The following DPP10 variants were observed in gnomAD, a reference collection of about 807,000 sequenced individuals.
The protein encoded by DPP10 is inactive dipeptidyl peptidase 10.
A neutral mutation model predicts 120.9 loss-of-function variants in DPP10; 33 were observed. The ratio of observed to expected loss-of-function variants is 0.27; its 90% CI spans 0.21 to 0.37. The LOEUF is 0.37. Ranked by LOEUF, DPP10 falls within the 10% of genes least tolerant of loss-of-function variation. DPP10 has a pLI of 1.00. For missense variants in DPP10, 816 were observed against 942.8 expected (o/e 0.87, Z 1.76); for synonymous variants, 337 against 326.1 (o/e 1.03, Z -0.36).
intron 8 of DPP10, among the ~76,000 whole-genome samples, chr2:115,734,208 C>G (rs2092977137): frequency 6.6e-6 from 1 of 152,154 alleles, no homozygotes; most frequent in South Asian, 2.1e-4. Context: ...CCTCATTTCT[C>G]TTGAAAAGCG....
At chr2:114,784,450 A>G (rs903705005) in intron 1 of DPP10, among the ~76,000 whole-genome samples, 8 of 152,146 alleles carry the variant, frequency 5.3e-5, no homozygotes, top group Admixed American at 5.2e-4. Context: ...ACTTCAAGGT[A>G]TGCATGCCCC....
Position 115,359,090 on chromosome 2 carries a change from G to A in DPP10, c.271+15178G>A, listed in dbSNP as rs184451098. On this transcript the variant is annotated intron_variant, in intron 3 of 25. Transcript: ENST00000410059. ...TTGGGTCTAGCATTTCATCCAACTT[G>A]CCACACTGTAGCTTTCAAGTAGGGT... 2.0e-3 allele frequency among the ~76,000 whole-genome samples: 311 copies of A among 152,252 alleles called. 1 individual carries two copies. The highest frequency in any genetic ancestry group is 4.0e-3 in the Non-Finnish European group (273 of 68,018).
chr2:114,878,957 A>C (rs1262627835), intron 1 of DPP10, among the ~76,000 whole-genome samples: 4 of 152,106 alleles, frequency 2.6e-5, no homozygotes, highest in Non-Finnish European at 5.9e-5. Flanking sequence ...TATTTGTAAC[A>C]TATATACCTG....
intron 1 of DPP10, among the ~76,000 whole-genome samples, chr2:115,277,389 C>G (rs2059962309): frequency 7.3e-6 from 1 of 136,556 alleles, no homozygotes; most frequent in Non-Finnish European, 1.5e-5. Flanking sequence ...GCACAAGGTA[C>G]TTTTGGAGAT....
intron 1 of DPP10, among the ~76,000 whole-genome samples, chr2:115,005,273 C>A (rs183211323): frequency 0.013 from 1,920 of 152,036 alleles, 46 homozygotes; most frequent in African/African-American, 0.044. Flanking sequence ...GGGAAAAAAC[C>A]GAACAGAAAA....
At chr2:114,490,445 GGAA>G (rs1290349377) in intron 1 of DPP10, among the ~76,000 whole-genome samples, 1 of 152,142 alleles carries the variant, frequency 6.6e-6, no homozygotes, top group African/African-American at 2.4e-5. Context: ...TTTCCTTGAG[GGAA>G]GAAGGAGAGA....
intron 1 of DPP10, among the ~76,000 whole-genome samples, chr2:114,562,703 T>C (rs1301124327): frequency 1.3e-5 from 2 of 152,182 alleles, no homozygotes; most frequent in Admixed American, 6.5e-5. Context: ...TGAAACTCTC[T>C]GTCAAAAAAG....
intron 1 of DPP10, among the ~76,000 whole-genome samples, chr2:115,045,982 T>C (rs1265905823): frequency 6.9e-6 from 1 of 145,838 alleles, no homozygotes; most frequent in African/African-American, 2.6e-5. Flanking sequence ...AGCCATTTTG[T>C]GTGTGCTGAA....
At chr2:115,551,214 A>G (rs1022532350) in intron 5 of DPP10, among the ~76,000 whole-genome samples, 7 of 152,188 alleles carry the variant, frequency 4.6e-5, no homozygotes, top group Non-Finnish European at 8.8e-5. Context: ...TTCAGATTGT[A>G]ATAATTGCTT....
At chr2:115,480,229 A>G (rs188721143) in intron 3 of DPP10, among the ~76,000 whole-genome samples, 18 of 152,204 alleles carry the variant, frequency 1.2e-4, no homozygotes, top group East Asian at 5.8e-4. Flanking sequence ...CTGGAGTTCA[A>G]TTTTCTTTAT....
chr2:115,074,742 T>C (rs1008323546), intron 1 of DPP10, among the ~76,000 whole-genome samples: 8 of 152,116 alleles, frequency 5.3e-5, no homozygotes, highest in Non-Finnish European at 1.2e-4. Context: ...AGTCAACTTA[T>C]GTAAATTATT....
At chr2:114,586,398 C>A (rs1197851240) in intron 1 of DPP10, among the ~76,000 whole-genome samples, 1 of 152,176 alleles carries the variant, frequency 6.6e-6, no homozygotes, top group African/African-American at 2.4e-5. Flanking sequence ...TTCAGCATCC[C>A]TGCGTCACGT....
intron 3 of DPP10, among the ~76,000 whole-genome samples, chr2:115,358,959 G>A (rs550474162): frequency 5.9e-5 from 9 of 152,102 alleles, no homozygotes; most frequent in East Asian, 3.9e-4. Flanking sequence ...ACCTCCCACC[G>A]GATCCCTCCC....
intron 11 of DPP10, among the ~76,000 whole-genome samples, chr2:115,754,014 C>T (rs1679085654): frequency 6.6e-6 from 1 of 152,040 alleles, no homozygotes; most frequent in African/African-American, 2.4e-5. Flanking sequence ...TAAAATTGTA[C>T]AAAATATACA....
chr2:115,201,854 A>T (rs199867066), intron 1 of DPP10, among the ~76,000 whole-genome samples: 1 of 7,414 alleles, frequency 1.3e-4, no homozygotes, highest in Non-Finnish European at 5.0e-4. Flanking sequence ...ACTTGAAGTT[A>T]AAAAAAAAAA....
At chr2:115,159,254 C>G (rs950258994) in intron 1 of DPP10, among the ~76,000 whole-genome samples, 1 of 151,970 alleles carries the variant, frequency 6.6e-6, no homozygotes, top group Non-Finnish European at 1.5e-5. Flanking sequence ...GTCAGGAGAT[C>G]GAGACAATGC....
chr2:115,362,757 A>T (rs1284480923), intron 3 of DPP10, among the ~76,000 whole-genome samples: 1 of 152,182 alleles, frequency 6.6e-6, no homozygotes, highest in Non-Finnish European at 1.5e-5. Flanking sequence ...TTGTTTTAGG[A>T]AACCAGTTGA....
intron 1 of DPP10, among the ~76,000 whole-genome samples, chr2:114,768,679 T>C: frequency 6.6e-6 from 1 of 152,132 alleles, no homozygotes; most frequent in East Asian, 1.9e-4. Flanking sequence ...GATGTGGATA[T>C]ATTTGGGAGC....
chr2:114,658,390 A>C (rs1697124553), intron 1 of DPP10, among the ~76,000 whole-genome samples: 1 of 152,212 alleles, frequency 6.6e-6, no homozygotes, highest in Non-Finnish European at 1.5e-5. Flanking sequence ...AATGAGAAAG[A>C]ATAGTGGCAA....
Sources: allele counts gnomAD v4.1 joint callset (sites outside exome capture counted in the v4.1 genomes callset), GRCh38; gene constraint gnomAD v4.1.1; transcripts MANE v1.5; gene names NCBI Gene and HGNC (gene_info 2026-07-23, HGNC 2026-07-21).